The following UBE2G2 variants were observed in gnomAD, a reference collection of about 807,000 sequenced individuals.
UBE2G2 encodes ubiquitin-conjugating enzyme E2 G2.
In UBE2G2, 10 loss-of-function variants were observed where a neutral mutation model predicts 23.0. That is an observed-to-expected ratio of 0.43 (90% confidence interval 0.27 to 0.74). The LOEUF is 0.74. Ranked by LOEUF, UBE2G2 falls within the 30% of genes least tolerant of loss-of-function variation. The pLI is 0.19. For missense variants in UBE2G2, 150 were observed against 218.3 expected (o/e 0.69, Z 1.97); for synonymous variants, 86 against 81.3 (o/e 1.06, Z -0.31).
At chr21:44,788,342 T>C (rs567108912) in intron 1 of UBE2G2, among the ~76,000 whole-genome samples, 55 of 145,860 alleles carry the variant, frequency 3.8e-4, no homozygotes, top group African/African-American at 1.3e-3. Context: ...CAGGCTGAAG[T>C]GCAGTGGTGT....
intron 4 of UBE2G2, chr21:44,774,025 G>A (rs571873743): frequency 7.5e-5 from 16 of 213,684 alleles, no homozygotes; most frequent in Admixed American, 3.9e-4. Flanking sequence ...AATATCTAAT[G>A]TGATTAGGAT....
At chr21:44,794,949 C>T (rs1377117241) in intron 1 of UBE2G2, among the ~76,000 whole-genome samples, 53 of 152,254 alleles carry the variant, frequency 3.5e-4, no homozygotes, top group Non-Finnish European at 1.8e-4. Context: ...CTCAACATCA[C>T]GAGTCTTATG....
rs2082867909 is a variant in UBE2G2 at position 44,770,885 on chromosome 21, AGG to A, written c.*490_*491del. On this transcript the variant is annotated 3_prime_UTR_variant, in exon 6 of 6. Coordinates refer to ENST00000345496, the MANE Select transcript of UBE2G2 (RefSeq NM_003343.6). ...CTGCCTGTAAAATATGAAGGAAGAA[AGG>A]AAGTAATGGACTCCTCATGGGGCCC... The A allele has an allele frequency of 6.5e-6, 1 of 153,098 alleles. No homozygotes were observed. Among genetic ancestry groups the A allele is most frequent in the Non-Finnish European group, 1.5e-5 (1 of 68,616 alleles). 9.5% of individuals were successfully genotyped at this position (153,098 alleles called of 1,614,324 possible).
intron 4 of UBE2G2, 161 bp from the exon 5 acceptor site, chr21:44,773,848 A>G: frequency 1.0e-6 from 1 of 981,066 alleles, no homozygotes; most frequent in Non-Finnish European, 1.4e-6. Flanking sequence ...GTCACGCTTC[A>G]TGTCTGCAGG....
At chr21:44,798,927 T>G (rs2083114478) in intron 1 of UBE2G2, among the ~76,000 whole-genome samples, 1 of 152,220 alleles carries the variant, frequency 6.6e-6, no homozygotes, top group Non-Finnish European at 1.5e-5. Context: ...ATGAAATGTA[T>G]TTCTTAAATA....
Position 44,801,581 on chromosome 21 carries a change from G to T in UBE2G2, c.43+125C>A, listed in dbSNP as rs556196661. 7.3e-4 allele frequency: 949 copies of T among 1,307,282 alleles called. 8 individuals carry two copies. The African/African-American group carries it at 0.013, about 18-fold the overall frequency. 81.0% of individuals were successfully genotyped at this position (1,307,282 alleles called of 1,614,324 possible). A position where few individuals can be genotyped will look rare whatever the true frequency, so the allele number is the denominator to read the frequency against. On this transcript the variant is annotated intron_variant, in intron 1 of 5. Coordinates refer to ENST00000345496, the MANE Select transcript of UBE2G2 (RefSeq NM_003343.6). ...GCGGCACTCCGCGGGACCCACAGGG[G>T]GGCTCACGGTGGAGGCCCCGGGCCC...
At chr21:44,795,787 C>A (rs935149370) in intron 1 of UBE2G2, among the ~76,000 whole-genome samples, 5 of 152,168 alleles carry the variant, frequency 3.3e-5, no homozygotes, top group Admixed American at 2.0e-4. Flanking sequence ...ATTAAACACA[C>A]ACTTCCCATT....
intron 4 of UBE2G2, among the ~76,000 whole-genome samples, chr21:44,776,340 A>G (rs933350243): frequency 6.6e-6 from 1 of 152,142 alleles, no homozygotes; most frequent in Non-Finnish European, 1.5e-5. Context: ...ACAAAAAGGA[A>G]AAAAAATTTC....
At chr21:44,788,237 G>A (rs906354672) in intron 1 of UBE2G2, 142 bp from the exon 2 acceptor site, 151 of 669,240 alleles carry the variant, frequency 2.3e-4, no homozygotes, top group Admixed American at 1.3e-4. Flanking sequence ...TGCCCAAAGT[G>A]AATACCTAGT....
In UBE2G2 at chr21:44,801,607, G is replaced by A. The variant is rs536533360; in HGVS notation, c.43+99C>T. 4 of 1,393,350 alleles carry A rather than the reference G, an allele frequency of 2.9e-6. No individual in the cohort carries two copies. In the South Asian group the frequency reaches 6.2e-5, roughly 22 times the overall value. The allele number at this position is 1,393,350 out of a possible 1,614,324, so 86.3% of individuals were successfully genotyped here. A position where few individuals can be genotyped will look rare whatever the true frequency, so the allele number is the denominator to read the frequency against. ...GGCTCACGGTGGAGGCCCCGGGCCC[G>A]GCTCCCCCGCCAGGCTCCCTGCCCC... On this transcript the variant is annotated intron_variant, in intron 1 of 5. Coordinates refer to ENST00000345496, the MANE Select transcript of UBE2G2 (RefSeq NM_003343.6).
chr21:44,788,565 A>C (rs1307353472), intron 1 of UBE2G2, among the ~76,000 whole-genome samples: 1 of 152,174 alleles, frequency 6.6e-6, no homozygotes, highest in African/African-American at 2.4e-5. Context: ...CTGGGATTAC[A>C]GGCATGAGCC....
At chr21:44,795,395 G>C (rs2083079180) in intron 1 of UBE2G2, among the ~76,000 whole-genome samples, 1 of 152,180 alleles carries the variant, frequency 6.6e-6, no homozygotes, top group East Asian at 1.9e-4. Flanking sequence ...ACTTTGGAAG[G>C]CCAAGACGGG....
At chr21:44,775,113 G>A (rs1411584012) in intron 4 of UBE2G2, 7 of 161,792 alleles carry the variant, frequency 4.3e-5, no homozygotes, top group Non-Finnish European at 9.4e-5. Flanking sequence ...CCACTCCCAG[G>A]AGAAAACATC....
chr21:44,788,955 A>G (rs2083021868), intron 1 of UBE2G2, among the ~76,000 whole-genome samples: 1 of 152,190 alleles, frequency 6.6e-6, no homozygotes, highest in Non-Finnish European at 1.5e-5. Context: ...ATATACAGGA[A>G]AGCCCAAAAG....
chr21:44,787,785 C>G (rs758224558), intron 3 of UBE2G2, 135 bp downstream of exon 3: 1 of 931,446 alleles, frequency 1.1e-6, no homozygotes, highest in Non-Finnish European at 1.6e-6. Flanking sequence ...GCAGCCTAGA[C>G]GAGAGCTGGG....
In UBE2G2 at chr21:44,772,944, T is replaced by C. The variant is rs2082884931; in HGVS notation, c.385+603A>G. Among the ~76,000 whole-genome samples, 1 of 152,328 alleles carries C rather than the reference T, an allele frequency of 6.6e-6. No individual in the cohort carries two copies. Among genetic ancestry groups the C allele is most frequent in the East Asian group, 1.9e-4 (1 of 5,188 alleles). Reference sequence around the variant, plus strand: ...CAGGGTCTGCTGGGGCTCCTCTCCCTGCAGCCTTGGCTCCAGCCAAAATGA... The same window carrying C: ...CAGGGTCTGCTGGGGCTCCTCTCCCCGCAGCCTTGGCTCCAGCCAAAATGA... On this transcript the variant is annotated intron_variant, in intron 5 of 5. Coordinates refer to ENST00000345496, the MANE Select transcript of UBE2G2 (RefSeq NM_003343.6). This position sits in a 1 kb window ranked among gnomAD's most constrained non-coding sequence, Gnocchi z 5.4.
At position 44,787,921 on chromosome 21, in the gene UBE2G2, T is replaced by A; in HGVS notation, c.124A>T (p.Met42Leu). 6.2e-7 allele frequency: 1 copy of A among 1,613,906 alleles called. No homozygotes were observed. The highest frequency in any genetic ancestry group is 2.2e-5 in the East Asian group (1 of 44,874). The change falls in exon 3 of 6, where the codon ATG becomes TTG. Residue 42 changes from methionine (M) to leucine (L), a missense_variant and splice_region_variant. Physicochemically the swap from Met to Leu is conservative, Grantham distance 15 (BLOSUM62 2). Coordinates refer to ENST00000345496, the MANE Select transcript of UBE2G2 (RefSeq NM_003343.6). ...ENFFEWEALI[M>L]GPEDTCFEFG... is the part of the protein sequence containing the mutation. ...CTAGTACACCTAAAATTAACTTACA[T>A]GATCAATGCCTCCCATTCAAAAAAG...
At chr21:44,801,208 C>T (rs1555964703) in intron 1 of UBE2G2, 2 of 560,620 alleles carry the variant, frequency 3.6e-6, no homozygotes, top group African/African-American at 2.0e-5. Flanking sequence ...GTTTCCTCAA[C>T]ACTACCTAGG....
chr21:44,776,385 G>A (rs2082913552), intron 4 of UBE2G2, among the ~76,000 whole-genome samples: 1 of 152,088 alleles, frequency 6.6e-6, no homozygotes, highest in South Asian at 2.1e-4. Context: ...ACATTTTTGT[G>A]CTTACTTTTC....
Sources: allele counts gnomAD v4.1 joint callset (sites outside exome capture counted in the v4.1 genomes callset), GRCh38; gene constraint gnomAD v4.1.1; non-coding constraint Gnocchi (gnomAD v3.1); transcripts MANE v1.5; gene names NCBI Gene and HGNC (gene_info 2026-07-23, HGNC 2026-07-21).